PLCB1: variants seen among roughly 807,000 people sequenced by gnomAD.
PLCB1 encodes 1-phosphatidylinositol 4,5-bisphosphate phosphodiesterase beta-1.
In PLCB1, 46 loss-of-function variants were observed where a neutral mutation model predicts 161.8. The ratio of observed to expected loss-of-function variants is 0.28; its 90% CI spans 0.22 to 0.36. The LOEUF (loss-of-function observed/expected upper bound fraction) is 0.36, where lower values mean the gene tolerates loss of function less well. PLCB1 is among the 10% of genes least tolerant of loss of function. PLCB1 has a pLI of 1.00. For missense variants in PLCB1, 1,016 were observed against 1,472.5 expected, an observed-to-expected ratio of 0.69 and a Z score of 5.07; for synonymous variants, 517 against 503.7, an observed-to-expected ratio of 1.03 and a Z score of -0.35.
At chr20:8,824,087 T>A (rs116693505) in intron 31 of PLCB1, among the ~76,000 whole-genome samples, 4,012 of 152,188 alleles carry the variant, frequency 0.026, 166 homozygotes, top group African/African-American at 0.092. Context: ...AGACTGTCCA[T>A]GCTACATGTA....
At chr20:8,168,156 CAA>C (rs898674572) in intron 2 of PLCB1, among the ~76,000 whole-genome samples, 2 of 152,132 alleles carry the variant, frequency 1.3e-5, no homozygotes, top group African/African-American at 4.8e-5. Flanking sequence ...TTTTCTATGC[CAA>C]AGCAAATCAT....
intron 3 of PLCB1, among the ~76,000 whole-genome samples, chr20:8,451,476 T>A (rs1568681775): frequency 6.6e-6 from 1 of 152,104 alleles, no homozygotes; most frequent in Non-Finnish European, 1.5e-5. Context: ...GCCTACTGAG[T>A]AGCTGGGACC....
At chr20:8,664,593 T>C (rs1455560157) in intron 9 of PLCB1, among the ~76,000 whole-genome samples, 1 of 152,108 alleles carries the variant, frequency 6.6e-6, no homozygotes, top group East Asian at 1.9e-4. Flanking sequence ...GTAGTTTTAG[T>C]TGAGACTCCT....
chr20:8,851,083 G>A (rs887907998), intron 31 of PLCB1, among the ~76,000 whole-genome samples: 1 of 152,172 alleles, frequency 6.6e-6, no homozygotes, highest in African/African-American at 2.4e-5. Context: ...CTTTAAAAAT[G>A]TTTCCTTGCT....
intron 2 of PLCB1, among the ~76,000 whole-genome samples, chr20:8,268,942 TC>T (rs1458773672): frequency 1.3e-5 from 2 of 152,178 alleles, no homozygotes; most frequent in African/African-American, 4.8e-5. Flanking sequence ...AGGCCCTATT[TC>T]AAAATATTCA....
intron 2 of PLCB1, among the ~76,000 whole-genome samples, chr20:8,318,395 T>C (rs1984756776): frequency 6.6e-6 from 1 of 152,188 alleles, no homozygotes; most frequent in African/African-American, 2.4e-5. Context: ...CAAATGCAGA[T>C]ATGCAGATAT....
At chr20:8,134,445 TTTC>T (rs2051323965) in intron 1 of PLCB1, among the ~76,000 whole-genome samples, 1 of 152,246 alleles carries the variant, frequency 6.6e-6, no homozygotes, top group African/African-American at 2.4e-5. Flanking sequence ...TTCTCTATAA[TTTC>T]TTGTTTGGGA....
At chr20:8,779,553 G>GCTCTACAT (rs1568596540) in intron 27 of PLCB1, among the ~76,000 whole-genome samples, 1 of 136,530 alleles carries the variant, frequency 7.3e-6, no homozygotes, top group Non-Finnish European at 1.5e-5. Context: ...TGTCCCTAGA[G>GCTCTACAT]CTCTACATCT....
chr20:8,834,418 T>C (rs1986176752), intron 31 of PLCB1, among the ~76,000 whole-genome samples: 1 of 151,504 alleles, frequency 6.6e-6, no homozygotes, highest in African/African-American at 2.4e-5. Flanking sequence ...TACATATGTA[T>C]GTGTATGTGT....
At chr20:8,870,526 C>A (rs1397000347) in intron 31 of PLCB1, among the ~76,000 whole-genome samples, 2 of 152,080 alleles carry the variant, frequency 1.3e-5, no homozygotes, top group African/African-American at 4.8e-5. Context: ...GGAGTTCACA[C>A]CTAAGAACTA....
intron 2 of PLCB1, among the ~76,000 whole-genome samples, chr20:8,321,138 C>T (rs147752422): frequency 6.6e-6 from 1 of 152,042 alleles, no homozygotes; most frequent in African/African-American, 2.4e-5. Flanking sequence ...TGAAATAAAC[C>T]GTTTAGGTAG....
intron 2 of PLCB1, among the ~76,000 whole-genome samples, chr20:8,244,663 A>T (rs1980787909): frequency 6.6e-6 from 1 of 151,816 alleles, no homozygotes; most frequent in African/African-American, 2.4e-5. Flanking sequence ...TACATATGCA[A>T]ACACTCATCC....
At chr20:8,751,834 T>G (rs1981495856) in intron 23 of PLCB1, 1 of 152,202 alleles carries the variant, frequency 6.6e-6, no homozygotes, top group African/African-American at 2.4e-5. Flanking sequence ...AGTTTCTGTT[T>G]CTATCACAAT....
intron 20 of PLCB1, 68 bp from the exon 21 acceptor site, chr20:8,739,193 T>C: frequency 1.0e-6 from 1 of 962,576 alleles, no homozygotes; most frequent in South Asian, 1.3e-5. Context: ...GATTGAATAA[T>C]ACCTTTCTAA....
intron 11 of PLCB1, among the ~76,000 whole-genome samples, chr20:8,702,678 G>A (rs1301133143): frequency 6.6e-6 from 1 of 152,176 alleles, no homozygotes; most frequent in East Asian, 1.9e-4. Context: ...ATTGAATCTA[G>A]TGTTACAAGT....
intron 3 of PLCB1, among the ~76,000 whole-genome samples, chr20:8,570,137 C>A (rs1165723297): frequency 6.6e-6 from 1 of 152,196 alleles, no homozygotes; most frequent in Non-Finnish European, 1.5e-5. Context: ...CTTCCATGCT[C>A]ACACTGAGGG....
intron 19 of PLCB1, among the ~76,000 whole-genome samples, chr20:8,735,420 C>T (rs866897588): frequency 6.6e-6 from 1 of 152,204 alleles, no homozygotes; most frequent in African/African-American, 2.4e-5. Context: ...CTGTCAGTCT[C>T]CCCTGAATGG....
intron 6 of PLCB1, among the ~76,000 whole-genome samples, chr20:8,648,964 A>G (rs1989240149): frequency 6.7e-6 from 1 of 148,566 alleles, no homozygotes; most frequent in Non-Finnish European, 1.5e-5. Context: ...AGAAAGAAAG[A>G]AAGAAAAGAA....
intron 3 of PLCB1, among the ~76,000 whole-genome samples, chr20:8,535,461 G>A (rs1985016110): frequency 6.6e-6 from 1 of 151,954 alleles, no homozygotes; most frequent in South Asian, 2.1e-4. Flanking sequence ...CATTTCTAAG[G>A]GAAAGAAGTT....
Sources: allele counts gnomAD v4.1 joint callset (sites outside exome capture counted in the v4.1 genomes callset), GRCh38; gene constraint gnomAD v4.1.1; transcripts MANE v1.5; gene names NCBI Gene and HGNC (gene_info 2026-07-23, HGNC 2026-07-21).